USP8: variants seen among roughly 807,000 people sequenced by gnomAD.
USP8 encodes ubiquitin specific peptidase 8, also known as ubiquitin carboxyl-terminal hydrolase 8.
Under a neutral mutation model 130.0 loss-of-function variants are expected in USP8, and 27 were observed. That is an observed-to-expected ratio of 0.21 (90% CI 0.15 to 0.29). The LOEUF is 0.29. Among genes scored for constraint, USP8 ranks in the 10% least tolerant of loss-of-function variants. USP8 has a pLI of 1.00. For synonymous variants in USP8, 392 were observed against 444.1 expected (o/e 0.88, Z 1.48); for missense variants, 1,029 against 1,312.2 (o/e 0.78, Z 3.33).
At chr15:50,449,956 C>T (rs1175418494) in intron 4 of USP8, among the ~76,000 whole-genome samples, 8 of 139,606 alleles carry the variant, frequency 5.7e-5, no homozygotes, top group Middle Eastern at 4.3e-3. Context: ...TGCAGTGGCG[C>T]GATCTCAGCT....
In USP8 at chr15:50,489,886, A is replaced by G; in HGVS notation, c.1971+5A>G. ...CTGCCTTCAGGCTGGGCCAAGGTAA[A>G]AGTCAGAATTAGCAGTAAAATAGCC... On this transcript the variant is annotated splice_donor_5th_base_variant and intron_variant, in intron 13 of 19. Transcript: ENST00000307179. The G allele has an allele frequency of 1.3e-6, 2 of 1,569,640 alleles. No homozygotes were observed. Among genetic ancestry groups the G allele is most frequent in the Non-Finnish European group, 1.7e-6 (2 of 1,162,452 alleles).
intron 3 of USP8, among the ~76,000 whole-genome samples, chr15:50,444,124 G>C (rs1349678085): frequency 7.4e-6 from 1 of 134,262 alleles, no homozygotes; most frequent in South Asian, 2.4e-4. Flanking sequence ...TTTTTTTAAG[G>C]TGACAGTCTT....
intron 4 of USP8, among the ~76,000 whole-genome samples, chr15:50,454,393 ATTTTG>A (rs1042375749): frequency 7.0e-6 from 1 of 142,960 alleles, no homozygotes; most frequent in Non-Finnish European, 1.6e-5. Context: ...TGTTCTTTTT[ATTTTG>A]TTTTGTTTTG....
At chr15:50,461,369 G>C (rs1315483060) in intron 5 of USP8, among the ~76,000 whole-genome samples, 1 of 149,836 alleles carries the variant, frequency 6.7e-6, no homozygotes, top group Non-Finnish European at 1.5e-5. Flanking sequence ...AGGCCAAGGT[G>C]GGAGGATCAC....
In USP8 at chr15:50,500,756, T is replaced by C. The variant is rs1566898371; in HGVS notation, c.*1668T>C. The stretch of plus-strand genomic sequence containing the variant: ...TCTGGAATCTCACTGACTCGTGTGT[T>C]ATCAAAGCTATATCAGGCCTGGGTG... On this transcript the variant is annotated 3_prime_UTR_variant, in exon 20 of 20. Coordinates refer to ENST00000307179, the MANE Select transcript of USP8 (RefSeq NM_005154.5). The C allele has an allele frequency of 1.9e-6, 3 of 1,580,080 alleles. No individual in the cohort carries two copies. Among genetic ancestry groups the C allele is most frequent in the Non-Finnish European group, 2.6e-6 (3 of 1,161,938 alleles).
chr15:50,457,653 A>G (rs2050834645), intron 4 of USP8, among the ~76,000 whole-genome samples: 1 of 151,404 alleles, frequency 6.6e-6, no homozygotes, highest in African/African-American at 2.4e-5. Context: ...ACCTGAGGTT[A>G]GGAGTTTGAG....
intron 5 of USP8, among the ~76,000 whole-genome samples, 196 bp from the exon 6 acceptor site, chr15:50,462,084 G>A (rs1421058758): frequency 6.8e-6 from 1 of 147,656 alleles, no homozygotes; most frequent in African/African-American, 2.4e-5. Context: ...CTGAAAGATT[G>A]CTAGTTATTT....
At chr15:50,469,766 T>A (rs1438567706) in intron 7 of USP8, among the ~76,000 whole-genome samples, 1 of 152,088 alleles carries the variant, frequency 6.6e-6, no homozygotes, top group Non-Finnish European at 1.5e-5. Flanking sequence ...TTGCTAAGAA[T>A]AATATGGAGC....
In USP8 at chr15:50,445,834, G is replaced by T. The variant is rs546941040; in HGVS notation, c.250-3566G>T. Among the ~76,000 whole-genome samples the T allele has an allele frequency of 1.4e-3, 213 of 149,466 alleles. 3 individuals are homozygous for T. The highest frequency in any genetic ancestry group is 2.4e-3 in the Non-Finnish European group (161 of 67,592). ...ATTGCACCACTGCACTCCAGCCTGG[G>T]CAACAGAGCAAGACTCCGTCTCAAA... On this transcript the variant is annotated intron_variant, in intron 3 of 19. Transcript: ENST00000307179.
At chr15:50,488,385 CAT>C (rs2052034233) in intron 12 of USP8, among the ~76,000 whole-genome samples, 1 of 151,836 alleles carries the variant, frequency 6.6e-6, no homozygotes, top group Non-Finnish European at 1.5e-5. Flanking sequence ...CTATTTATTA[CAT>C]GTTTGTATTC....
Position 50,503,919 on chromosome 15 carries a change from A to G in USP8, c.*4831A>G, listed in dbSNP as rs1331292123. The G allele has an allele frequency of 6.6e-6, 1 of 152,186 alleles. No homozygotes were observed. The highest frequency in any genetic ancestry group is 1.5e-5 in the Non-Finnish European group (1 of 68,034). 9.4% of individuals were successfully genotyped at this position (152,186 alleles called of 1,614,324 possible). ...ACCCCCAAGGACTTTAGATAATAGA[A>G]TTATTAAGCAGAGGCTACAAATAAA... On this transcript the variant is annotated 3_prime_UTR_variant, in exon 20 of 20. Coordinates refer to ENST00000307179, the MANE Select transcript of USP8 (RefSeq NM_005154.5).
chr15:50,440,911 A>C (rs1025201015), intron 2 of USP8, among the ~76,000 whole-genome samples: 2 of 151,934 alleles, frequency 1.3e-5, no homozygotes, highest in African/African-American at 4.8e-5. Context: ...CTGAGGCAGG[A>C]GAATCACTTG....
At chr15:50,477,529 C>A in intron 10 of USP8, 30 bp downstream of exon 10, 1 of 1,578,966 alleles carries the variant, frequency 6.3e-7, no homozygotes, top group Non-Finnish European at 8.6e-7. Flanking sequence ...ATTATTCTCG[C>A]TTTTGTTTTA....
At position 50,500,634 on chromosome 15, in the gene USP8, G is replaced by A. The variant is rs896162795; in HGVS notation, c.*1546G>A. On this transcript the variant is annotated 3_prime_UTR_variant, in exon 20 of 20. Transcript: ENST00000307179. ...TGACTGCTTGTTTTGCAGTGTTCAGGAAACACCATTTTCCTGGCTCTTAAC... is the reference window on the plus strand; with the variant it reads ...TGACTGCTTGTTTTGCAGTGTTCAGAAAACACCATTTTCCTGGCTCTTAAC... The A allele has an allele frequency of 9.9e-6, 8 of 805,162 alleles. No individual in the cohort carries two copies. The African/African-American group carries it at 1.2e-4, about 12-fold the overall frequency. The allele number at this position is 805,162 out of a possible 1,614,324, so 49.9% of individuals were successfully genotyped here. A position where few individuals can be genotyped will look rare whatever the true frequency, so the allele number is the denominator to read the frequency against.
chr15:50,494,651 T>C (rs187961206), intron 16 of USP8, among the ~76,000 whole-genome samples: 345 of 152,376 alleles, frequency 2.3e-3, no homozygotes, highest in African/African-American at 7.9e-3. Context: ...TACATATCCT[T>C]ATTCTTTTCT....
chr15:50,434,104 T>TTTTTGTTTTGTTTTGTTTTG (rs139482198), intron 1 of USP8, among the ~76,000 whole-genome samples: 18 of 148,830 alleles, frequency 1.2e-4, no homozygotes, highest in East Asian at 7.9e-4. Context: ...AGCATAAGGT[T>TTTTTGTTTTGTTTTGTTTTG]TTTTGTTTTG....
intron 5 of USP8, among the ~76,000 whole-genome samples, chr15:50,460,539 C>T (rs1414673464): frequency 3.9e-5 from 6 of 152,006 alleles, no homozygotes; most frequent in African/African-American, 1.4e-4. Flanking sequence ...GAACTCCTGA[C>T]CTCAAGCGAT....
intron 7 of USP8, among the ~76,000 whole-genome samples, chr15:50,467,637 C>T (rs2051235091): frequency 6.6e-6 from 1 of 152,032 alleles, no homozygotes; most frequent in Non-Finnish European, 1.5e-5. Context: ...CTCACCGCAG[C>T]CTTGACCTCC....
At position 50,494,085 on chromosome 15, in the gene USP8, G is replaced by A. The variant is rs1354527611; in HGVS notation, c.2463G>A (p.Gly821=). The A allele has an allele frequency of 6.2e-7, 1 of 1,607,432 alleles. No homozygotes were observed. The highest frequency in any genetic ancestry group is 1.3e-5 in the African/African-American group (1 of 74,546). The change falls in exon 16 of 20, where the codon GGG becomes GGA. Residue 821 remains glycine, a synonymous_variant. Transcript: ENST00000307179. ...ATTTGCACAGGTCAAATTTGTTGGGGCATAAAGGTGAAGTGGCAGAAGAAT... is the reference window on the plus strand; with the variant it reads ...ATTTGCACAGGTCAAATTTGTTGGGACATAAAGGTGAAGTGGCAGAAGAAT... ...QDDINRSNLL[G]HKGEVAEEFG...
Sources: gnomAD v4.1 joint callset for allele counts (sites outside exome capture counted in the v4.1 genomes callset) on GRCh38, gnomAD v4.1.1 for gene constraint, MANE v1.5 for transcripts, NCBI Gene and HGNC (gene_info 2026-07-23, HGNC 2026-07-21) for gene names.